The following CSMD2 variants were observed in gnomAD, a reference collection of about 807,000 sequenced individuals.
CSMD2 encodes the protein CUB and sushi domain-containing protein 2.
A neutral mutation model predicts 398.5 loss-of-function variants in CSMD2; 130 were observed. The ratio of observed to expected loss-of-function variants is 0.33; its 90% CI spans 0.28 to 0.38. The LOEUF is 0.38. Among genes scored for constraint, CSMD2 ranks in the 10% least tolerant of loss-of-function variants. The pLI, the probability that CSMD2 is intolerant of heterozygous loss-of-function variation, is 1.00. For missense variants in CSMD2, 3,829 were observed against 4,764.9 expected, an observed-to-expected ratio of 0.80 and a Z score of 5.78; for synonymous variants, 1,828 against 1,908.5, an observed-to-expected ratio of 0.96 and a Z score of 1.10.
At chr1:33,922,200 A>G (rs1643965795) in intron 4 of CSMD2, among the ~76,000 whole-genome samples, 1 of 152,174 alleles carries the variant, frequency 6.6e-6, no homozygotes, top group African/African-American at 2.4e-5. Context: ...GAGGCAGGGA[A>G]TCAGCAGGAC....
In CSMD2 at chr1:33,939,356, C is replaced by T. The variant is rs1358897359; in HGVS notation, c.518-3402G>A. On this transcript the variant is annotated intron_variant, in intron 3 of 70. Coordinates refer to ENST00000373381, the MANE Select transcript of CSMD2 (RefSeq NM_001281956.2). Reference sequence around the variant, plus strand: ...ATAATCCTATGCAGGTGTCTTACAGCAGAGGCAATGACTGTGATGTGTGTG... The same window carrying T: ...ATAATCCTATGCAGGTGTCTTACAGTAGAGGCAATGACTGTGATGTGTGTG... Among the ~76,000 whole-genome samples, 4 of 152,068 alleles carry T rather than the reference C, an allele frequency of 2.6e-5. No homozygotes were observed. In the East Asian group the frequency reaches 7.7e-4, roughly 29 times the overall value.
chr1:33,514,149 C>T lies in CSMD2; in HGVS notation c.*2475G>A, dbSNP rs1013054171. ...ATTAAATGTATATACTGCAGACAAG[C>T]CAAGAAGGTGTGTAGATTACATATT... On this transcript the variant is annotated 3_prime_UTR_variant, in exon 71 of 71. Coordinates refer to ENST00000373381, the MANE Select transcript of CSMD2 (RefSeq NM_001281956.2). The T allele has an allele frequency of 1.3e-5, 2 of 152,342 alleles. No homozygotes were observed. Among genetic ancestry groups the T allele is most frequent in the Non-Finnish European group, 2.9e-5 (2 of 68,004 alleles). The allele number at this position is 152,342 out of a possible 1,614,324, so 9.4% of individuals were successfully genotyped here.
intron 1 of CSMD2, among the ~76,000 whole-genome samples, chr1:34,131,757 C>T (rs1663371359): frequency 6.6e-6 from 1 of 152,180 alleles, no homozygotes; most frequent in Admixed American, 6.5e-5. Flanking sequence ...TTCAAATGAG[C>T]CCAGGCCAGA....
At chr1:33,758,934 A>C (rs1467154872) in intron 13 of CSMD2, among the ~76,000 whole-genome samples, 1 of 152,246 alleles carries the variant, frequency 6.6e-6, no homozygotes, top group Non-Finnish European at 1.5e-5. Context: ...TGTGGAGCCC[A>C]GGAGAGCCCT....
intron 5 of CSMD2, among the ~76,000 whole-genome samples, chr1:33,898,251 G>A (rs901171503): frequency 6.6e-6 from 1 of 152,172 alleles, no homozygotes; most frequent in Admixed American, 6.5e-5. Context: ...AAGGGATATC[G>A]TGGAGTCATT....
At chr1:33,621,194 T>C (rs549026035) in intron 37 of CSMD2, among the ~76,000 whole-genome samples, 1 of 152,354 alleles carries the variant, frequency 6.6e-6, no homozygotes, top group Non-Finnish European at 1.5e-5. Flanking sequence ...TGTGCCCATG[T>C]CCATCTCTCC....
intron 1 of CSMD2, among the ~76,000 whole-genome samples, chr1:34,105,575 C>T (rs1426576084): frequency 6.6e-6 from 1 of 152,194 alleles, no homozygotes; most frequent in Non-Finnish European, 1.5e-5. Context: ...CTTTGTCGTG[C>T]CATGCCCTCC....
chr1:33,692,509 C>G (rs967021018), intron 25 of CSMD2, among the ~76,000 whole-genome samples: 1 of 152,206 alleles, frequency 6.6e-6, no homozygotes, highest in South Asian at 2.1e-4. Flanking sequence ...GTTCCAAATA[C>G]TATACTGAGC....
At chr1:34,052,969 A>G (rs937138580) in intron 2 of CSMD2, among the ~76,000 whole-genome samples, 5 of 152,132 alleles carry the variant, frequency 3.3e-5, no homozygotes, top group African/African-American at 1.2e-4. Context: ...GACAAAGAGC[A>G]AGCTGGTGAT....
chr1:34,100,005 A>G (rs903332506), intron 1 of CSMD2, among the ~76,000 whole-genome samples: 1 of 152,178 alleles, frequency 6.6e-6, no homozygotes, highest in African/African-American at 2.4e-5. Flanking sequence ...GAAACTGAAA[A>G]ATACAGGCAA....
At chr1:34,113,926 T>G (rs1196623410) in intron 1 of CSMD2, among the ~76,000 whole-genome samples, 1 of 152,182 alleles carries the variant, frequency 6.6e-6, no homozygotes, top group Non-Finnish European at 1.5e-5. Context: ...GAGAAGAGCA[T>G]AGCATACATT....
chr1:34,103,761 A>AAT (rs1660257915), intron 1 of CSMD2, among the ~76,000 whole-genome samples: 2 of 151,556 alleles, frequency 1.3e-5, no homozygotes, highest in South Asian at 4.2e-4. Context: ...AATGATGGCA[A>AAT]ACACACACAC....
At chr1:33,625,941 G>T (rs952954070) in intron 33 of CSMD2, among the ~76,000 whole-genome samples, 3 of 152,330 alleles carry the variant, frequency 2.0e-5, no homozygotes, top group Admixed American at 6.5e-5. Flanking sequence ...CTGGCTGGTT[G>T]GTACCAGCTA....
At chr1:34,071,213 G>T (rs1344830487) in intron 2 of CSMD2, among the ~76,000 whole-genome samples, 1 of 152,224 alleles carries the variant, frequency 6.6e-6, no homozygotes, top group Non-Finnish European at 1.5e-5. Context: ...TGCTCCTCCA[G>T]GCAGGATTGA....
Position 33,542,857 on chromosome 1 carries a change from C to T in CSMD2, c.9140G>A (p.Arg3047Gln), listed in dbSNP as rs754065561. 1.7e-5 allele frequency: 28 copies of T among 1,614,192 alleles called. No individual in the cohort carries two copies. Among genetic ancestry groups the T allele is most frequent in the Admixed American group, 1.0e-4 (6 of 60,024 alleles). ...AACCAGGCCATCACTGAACACAACT[C>T]GGGCATTACTTGGAGTCCCAGGGTT... ...CGNPGTPSNARVVFSDGLVFS... is the reference protein window; with the variant it reads ...CGNPGTPSNAQVVFSDGLVFS... Residue 3047 changes from arginine (R) to glutamine (Q), a missense_variant, in exon 58 of 71, where the codon CGA becomes CAA. Around this residue, in one of 5 missense-constraint regions of CSMD2, gnomAD observed 917 missense variants for 1,199.5 expected, o/e 0.76. Transcript: ENST00000373381.
chr1:33,722,976 A>C (rs1223959062), intron 19 of CSMD2, among the ~76,000 whole-genome samples: 2 of 152,050 alleles, frequency 1.3e-5, no homozygotes, highest in Admixed American at 6.6e-5. Flanking sequence ...TACATAATCC[A>C]TCCTTTCTTC....
intron 3 of CSMD2, among the ~76,000 whole-genome samples, chr1:34,032,189 G>A (rs77814426): frequency 0.043 from 6,467 of 152,164 alleles, 463 homozygotes; most frequent in African/African-American, 0.15. Flanking sequence ...GGCAGTCATT[G>A]TATGGTGTTT....
intron 6 of CSMD2, among the ~76,000 whole-genome samples, chr1:33,838,208 A>G (rs1381313794): frequency 6.6e-6 from 1 of 152,164 alleles, no homozygotes; most frequent in Non-Finnish European, 1.5e-5. Context: ...TGGCTGAACC[A>G]TCTTTTCCTT....
At chr1:33,553,904 C>T (rs909973991) in intron 55 of CSMD2, among the ~76,000 whole-genome samples, 1 of 152,086 alleles carries the variant, frequency 6.6e-6, no homozygotes, top group Admixed American at 6.6e-5. Flanking sequence ...AAACCAGCCA[C>T]AATATTCCCT....
Sources: gnomAD v4.1 joint callset for allele counts (sites outside exome capture counted in the v4.1 genomes callset) on GRCh38, gnomAD v4.1.1 for gene constraint, gnomAD v4.1.1 regional missense constraint, MANE v1.5 for transcripts, NCBI Gene and HGNC (gene_info 2026-07-23, HGNC 2026-07-21) for gene names.